Variants in CNTNAP2 observed in about 807,000 individuals in gnomAD.
The protein encoded by CNTNAP2 is contactin-associated protein-like 2.
In CNTNAP2, 98 loss-of-function variants were observed where a neutral mutation model predicts 155.2. The observed-to-expected ratio is 0.63, with a 90% CI of 0.54 to 0.75. CNTNAP2 has a LOEUF of 0.75. Among genes scored for constraint, CNTNAP2 ranks in the 30% least tolerant of loss-of-function variants. CNTNAP2 has a pLI of 0.00. For missense variants in CNTNAP2, 1,727 were observed against 1,688.1 expected, an observed-to-expected ratio of 1.02 and a Z score of -0.40; for synonymous variants, 651 against 631.2, an observed-to-expected ratio of 1.03 and a Z score of -0.47.
At chr7:147,982,149 T>C (rs900849073) in intron 15 of CNTNAP2, among the ~76,000 whole-genome samples, 6 of 152,220 alleles carry the variant, frequency 3.9e-5, no homozygotes, top group African/African-American at 1.4e-4. Context: ...TCTCATACTA[T>C]ATATGACGAA....
At chr7:147,066,270 C>T (rs900536626) in intron 4 of CNTNAP2, among the ~76,000 whole-genome samples, 1 of 152,152 alleles carries the variant, frequency 6.6e-6, no homozygotes, top group East Asian at 1.9e-4. Flanking sequence ...AAGGTTATTT[C>T]GTCAGTTCTG....
intron 3 of CNTNAP2, among the ~76,000 whole-genome samples, chr7:146,876,662 T>A (rs985150769): frequency 5.9e-5 from 9 of 152,174 alleles, no homozygotes; most frequent in African/African-American, 1.7e-4. Flanking sequence ...AAAACATGTA[T>A]TCTCAAGTTG....
chr7:147,194,162 A>T (rs1229580051), intron 8 of CNTNAP2, among the ~76,000 whole-genome samples: 1 of 149,324 alleles, frequency 6.7e-6, no homozygotes, highest in African/African-American at 2.5e-5. Context: ...ACTCCCACTT[A>T]TGAGTGAGAA....
chr7:148,058,229 T>C (rs1803060644), intron 15 of CNTNAP2, among the ~76,000 whole-genome samples: 1 of 152,090 alleles, frequency 6.6e-6, no homozygotes, highest in African/African-American at 2.4e-5. Context: ...TCATCACAAG[T>C]AGCAGATTTC....
At chr7:147,949,273 A>G (rs1261945627) in intron 14 of CNTNAP2, among the ~76,000 whole-genome samples, 1 of 151,904 alleles carries the variant, frequency 6.6e-6, no homozygotes, top group African/African-American at 2.4e-5. Flanking sequence ...TTAAGTAGAA[A>G]TGGATCATCA....
At chr7:146,918,869 C>T (rs1475019980) in intron 3 of CNTNAP2, among the ~76,000 whole-genome samples, 1 of 152,120 alleles carries the variant, frequency 6.6e-6, no homozygotes, top group East Asian at 1.9e-4. Context: ...GAGGTTTGCT[C>T]CTTTTTTAAA....
chr7:146,815,794 T>A (rs1042946908), intron 2 of CNTNAP2, among the ~76,000 whole-genome samples: 1 of 151,942 alleles, frequency 6.6e-6, no homozygotes, highest in Non-Finnish European at 1.5e-5. Context: ...AGTTCTAGGG[T>A]AGATGTGCAC....
At chr7:146,155,681 A>G (rs1427688963) in intron 1 of CNTNAP2, among the ~76,000 whole-genome samples, 2 of 138,806 alleles carry the variant, frequency 1.4e-5, no homozygotes, top group African/African-American at 5.9e-5. Context: ...GCATAAAACA[A>G]TATCATTATT....
chr7:147,125,647 A>G (rs1042424362), intron 6 of CNTNAP2, among the ~76,000 whole-genome samples: 2 of 152,218 alleles, frequency 1.3e-5, no homozygotes, highest in African/African-American at 2.4e-5. Context: ...TTGCAGAACC[A>G]CAGACTGCCT....
intron 10 of CNTNAP2, among the ~76,000 whole-genome samples, chr7:147,419,444 A>T (rs1399983897): frequency 6.6e-6 from 1 of 152,222 alleles, no homozygotes; most frequent in Non-Finnish European, 1.5e-5. Flanking sequence ...TATTTGGAAT[A>T]TTAAAAAGAA....
chr7:146,977,710 A>C (rs561168214), intron 3 of CNTNAP2, among the ~76,000 whole-genome samples: 1 of 152,214 alleles, frequency 6.6e-6, no homozygotes, highest in African/African-American at 2.4e-5. Flanking sequence ...ACTATATTTT[A>C]TAATTTTTAA....
chr7:146,472,747 C>T (rs182488404), intron 1 of CNTNAP2, among the ~76,000 whole-genome samples: 8 of 151,788 alleles, frequency 5.3e-5, no homozygotes, highest in South Asian at 2.1e-4. Flanking sequence ...TTCTTAGCCA[C>T]GTAGTTGGTA....
chr7:148,041,498 A>G (rs11762995), intron 15 of CNTNAP2, among the ~76,000 whole-genome samples: 6,144 of 152,288 alleles, frequency 0.04, 158 homozygotes, highest in South Asian at 0.12. Flanking sequence ...TTTCAACCCT[A>G]GATTAATCTG....
intron 3 of CNTNAP2, among the ~76,000 whole-genome samples, chr7:146,938,811 T>C (rs2129224990): frequency 6.6e-6 from 1 of 152,282 alleles, no homozygotes; most frequent in East Asian, 1.9e-4. Context: ...ATCTATTGTC[T>C]TATTCATCAT....
intron 9 of CNTNAP2, among the ~76,000 whole-genome samples, chr7:147,332,811 G>A (rs895937206): frequency 2.0e-5 from 3 of 152,088 alleles, no homozygotes; most frequent in Non-Finnish European, 4.4e-5. Flanking sequence ...GTAGTGAGCC[G>A]AAATCATGCC....
At chr7:146,563,037 G>A (rs1798303587) in intron 1 of CNTNAP2, among the ~76,000 whole-genome samples, 1 of 152,106 alleles carries the variant, frequency 6.6e-6, no homozygotes, top group African/African-American at 2.4e-5. Flanking sequence ...AAATCAACTT[G>A]TCCAAGGTTA....
intron 1 of CNTNAP2, among the ~76,000 whole-genome samples, chr7:146,478,176 T>G (rs1796907185): frequency 6.6e-6 from 1 of 151,826 alleles, no homozygotes; most frequent in African/African-American, 2.4e-5. Flanking sequence ...ATTTTCCCCT[T>G]TAAGGACCCT....
intron 21 of CNTNAP2, among the ~76,000 whole-genome samples, chr7:148,328,229 G>C (rs1000023559): frequency 4.6e-5 from 7 of 152,180 alleles, no homozygotes; most frequent in Admixed American, 4.6e-4. Context: ...GGTGGAGAGA[G>C]GGGAAGGCTG....
chr7:146,780,193 G>GT (rs71525972), intron 2 of CNTNAP2, among the ~76,000 whole-genome samples: 61,680 of 149,240 alleles, frequency 0.41, 15,192 homozygotes, highest in East Asian at 0.72. Context: ...TTTCCTGACT[G>GT]TTTTTTTTTT....
Sources: allele counts gnomAD v4.1 joint callset (sites outside exome capture counted in the v4.1 genomes callset), GRCh38; gene constraint gnomAD v4.1.1; transcripts MANE v1.5; gene names NCBI Gene and HGNC (gene_info 2026-07-23, HGNC 2026-07-21).